SPAG16: variants seen among roughly 807,000 people sequenced by gnomAD.
SPAG16 encodes the protein sperm associated antigen 16, also known as sperm-associated antigen 16 protein.
SPAG16 carries 86 observed loss-of-function variants against 80.4 expected under a neutral mutation model. That is an observed-to-expected ratio of 1.07 (90% CI 0.90 to 1.28). The LOEUF is 1.28. SPAG16 is among the 50% of genes most tolerant of loss of function. The pLI is 0.00. For synonymous variants in SPAG16, 294 were observed against 265.9 expected (o/e 1.11, Z -1.03); for missense variants, 870 against 765.3 (o/e 1.14, Z -1.61).
chr2:213,359,873 A>G (rs2065880178), intron 7 of SPAG16, among the ~76,000 whole-genome samples: 1 of 152,066 alleles, frequency 6.6e-6, no homozygotes, highest in Non-Finnish European at 1.5e-5. Flanking sequence ...GGAGCTGCAG[A>G]CGGGAGCTGT....
At chr2:213,676,319 T>C (rs1467421833) in intron 10 of SPAG16, among the ~76,000 whole-genome samples, 10 of 151,970 alleles carry the variant, frequency 6.6e-5, no homozygotes, top group South Asian at 2.1e-4. Context: ...ACAATCATGT[T>C]GTCTGCAAAC....
At chr2:213,837,503 T>A (rs1369595387) in intron 10 of SPAG16, among the ~76,000 whole-genome samples, 5 of 152,252 alleles carry the variant, frequency 3.3e-5, no homozygotes, top group Non-Finnish European at 7.3e-5. Context: ...AATTTTAAAA[T>A]GTATTCTTTC....
intron 15 of SPAG16, among the ~76,000 whole-genome samples, chr2:214,268,577 A>G (rs1691759319): frequency 6.6e-6 from 1 of 151,974 alleles, no homozygotes; most frequent in African/African-American, 2.4e-5. Context: ...AGGACCAACC[A>G]TGTCATCCAA....
intron 10 of SPAG16, among the ~76,000 whole-genome samples, chr2:213,667,142 T>C (rs1317617731): frequency 6.6e-6 from 1 of 152,178 alleles, no homozygotes; most frequent in African/African-American, 2.4e-5. Context: ...TTTAAAAGAA[T>C]AAAACATAGA....
chr2:213,537,383 G>C (rs2076288612), intron 10 of SPAG16, among the ~76,000 whole-genome samples: 1 of 151,510 alleles, frequency 6.6e-6, no homozygotes, highest in Admixed American at 6.6e-5. Flanking sequence ...TTTAAATATA[G>C]TAATATGTTT....
chr2:214,189,801 T>C (rs1197747939), intron 15 of SPAG16, among the ~76,000 whole-genome samples: 1 of 152,098 alleles, frequency 6.6e-6, no homozygotes, highest in Non-Finnish European at 1.5e-5. Flanking sequence ...AATTAATTTA[T>C]GTAATTCAAG....
intron 12 of SPAG16, among the ~76,000 whole-genome samples, chr2:213,958,031 C>T (rs1002446751): frequency 6.6e-6 from 1 of 152,056 alleles, no homozygotes; most frequent in Non-Finnish European, 1.5e-5. Flanking sequence ...ATTATTTGCC[C>T]AAGAACAGGG....
Position 213,717,267 on chromosome 2 carries a change from TC to T in SPAG16, c.1071-145216del, listed in dbSNP as rs890232686. On this transcript the variant is annotated intron_variant, in intron 10 of 15. Transcript: ENST00000331683. ...TCCGCCTCCCAGGTACATGCCATTC[TC>T]CGGCCTCAGGCTCCTGAGTAGCTAG... Among the ~76,000 whole-genome samples the T allele has an allele frequency of 1.9e-3, 294 of 151,646 alleles. 3 individuals are homozygous for T. The highest frequency in any genetic ancestry group is 3.1e-4 in the Non-Finnish European group (21 of 67,918).
chr2:213,690,871 T>A (rs1202504534), intron 10 of SPAG16, among the ~76,000 whole-genome samples: 1 of 152,194 alleles, frequency 6.6e-6, no homozygotes, highest in Non-Finnish European at 1.5e-5. Context: ...ACTGTTGGCT[T>A]CCCTGATATT....
intron 14 of SPAG16, among the ~76,000 whole-genome samples, chr2:214,131,911 G>A (rs2054802711): frequency 6.6e-6 from 1 of 152,144 alleles, no homozygotes; most frequent in Non-Finnish European, 1.5e-5. Flanking sequence ...ACCACCAAGA[G>A]TGAACCCTAA....
chr2:214,004,527 G>T (rs888225439), intron 12 of SPAG16, among the ~76,000 whole-genome samples: 2 of 152,150 alleles, frequency 1.3e-5, no homozygotes, highest in Admixed American at 6.6e-5. Flanking sequence ...ATCCACAATT[G>T]TAAGACCTTT....
intron 15 of SPAG16, among the ~76,000 whole-genome samples, chr2:214,155,364 T>A (rs1012601678): frequency 2.9e-4 from 44 of 152,228 alleles, no homozygotes; most frequent in African/African-American, 1.0e-3. Flanking sequence ...ATGGGCCAGC[T>A]TGGCCTCTTT....
intron 10 of SPAG16, among the ~76,000 whole-genome samples, chr2:213,603,305 C>G (rs1277014937): frequency 6.6e-6 from 1 of 152,202 alleles, no homozygotes; most frequent in East Asian, 1.9e-4. Flanking sequence ...TGTTTTATCA[C>G]AAATTTGAAA....
chr2:213,425,093 G>T lies in SPAG16; in HGVS notation c.942+49974G>T, dbSNP rs1050958660. 2.6e-5 allele frequency among the ~76,000 whole-genome samples: 4 copies of T among 152,246 alleles called. No individual in the cohort carries two copies. In the South Asian group the frequency reaches 8.3e-4, roughly 32 times the overall value. On this transcript the variant is annotated intron_variant, in intron 9 of 15. Coordinates refer to ENST00000331683, the MANE Select transcript of SPAG16 (RefSeq NM_024532.5). ...AATCCCAGCACTTTAGGAGGCTGAG[G>T]TGGGCGGATCACGAGGTCAGGAGAT...
intron 13 of SPAG16, among the ~76,000 whole-genome samples, chr2:214,068,029 C>T (rs887231613): frequency 1.3e-5 from 2 of 152,036 alleles, no homozygotes; most frequent in African/African-American, 2.4e-5. Flanking sequence ...ATATGGAAGC[C>T]GTGCAGTATA....
chr2:213,901,016 C>A (rs10182483), intron 11 of SPAG16, among the ~76,000 whole-genome samples: 1 of 151,942 alleles, frequency 6.6e-6, no homozygotes, highest in East Asian at 1.9e-4. Flanking sequence ...TATTTTGTAT[C>A]ATTCATTTTC....
intron 10 of SPAG16, among the ~76,000 whole-genome samples, chr2:213,818,807 T>G (rs1357930444): frequency 6.6e-6 from 1 of 152,096 alleles, no homozygotes; most frequent in Non-Finnish European, 1.5e-5. Context: ...ATCTGATGGT[T>G]TAAAAGTGGC....
At chr2:213,408,078 GAA>G (rs572546506) in intron 9 of SPAG16, among the ~76,000 whole-genome samples, 140 of 150,774 alleles carry the variant, frequency 9.3e-4, no homozygotes, top group Non-Finnish European at 1.7e-3. Flanking sequence ...AGGAGAGAGA[GAA>G]AGAGAAAAAT....
chr2:213,802,123 G>A (rs1323391293), intron 10 of SPAG16, among the ~76,000 whole-genome samples: 3 of 152,174 alleles, frequency 2.0e-5, no homozygotes, highest in Non-Finnish European at 4.4e-5. Context: ...AGATTATACA[G>A]TTGTTTTTAA....
Sources: allele counts gnomAD v4.1 joint callset (sites outside exome capture counted in the v4.1 genomes callset), GRCh38; gene constraint gnomAD v4.1.1; transcripts MANE v1.5; gene names NCBI Gene and HGNC (gene_info 2026-07-23, HGNC 2026-07-21).